ATP10B: variants seen among roughly 807,000 people sequenced by gnomAD.
ATP10B encodes the protein ATPase phospholipid transporting 10B (putative), also known as phospholipid-transporting ATPase VB.
ATP10B carries 122 observed loss-of-function variants against 141.2 expected under a neutral mutation model. The observed-to-expected ratio is 0.86, with a 90% CI of 0.75 to 1.00. The LOEUF is 1.00. Among genes scored for constraint, ATP10B ranks in the 50% least tolerant of loss-of-function variants. ATP10B has a pLI of 0.00. For missense variants in ATP10B, 1,876 were observed against 1,825.3 expected (o/e 1.03, Z -0.51); for synonymous variants, 685 against 692.0 (o/e 0.99, Z 0.16).
rs555101463 is a variant in ATP10B, at chr5:160,564,965, A to C, written c.*488T>G. ...CTGGAAGGGATGTTAACCCCGATTC[A>C]GCCATTACTGCAATACACTTGAGAT... On this transcript the variant is annotated 3_prime_UTR_variant, in exon 26 of 26. Transcript: ENST00000327245. The C allele has an allele frequency of 6.5e-6, 1 of 153,894 alleles. No homozygotes were observed. Among genetic ancestry groups the C allele is most frequent in the South Asian group, 2.1e-4 (1 of 4,864 alleles). 9.5% of individuals were successfully genotyped at this position (153,894 alleles called of 1,614,324 possible). A position where few individuals can be genotyped will look rare whatever the true frequency, so the allele number is the denominator to read the frequency against.
intron 19 of ATP10B, among the ~76,000 whole-genome samples, chr5:160,605,340 C>A (rs1047112502): frequency 2.0e-5 from 3 of 152,288 alleles, no homozygotes; most frequent in African/African-American, 7.2e-5. Flanking sequence ...TTCTTGATTG[C>A]ATAGCAATGC....
At chr5:160,849,618 T>TACACACACACAC (rs796968833) in intron 1 of ATP10B, among the ~76,000 whole-genome samples, 16,301 of 148,034 alleles carry the variant, frequency 0.11, 970 homozygotes, top group Non-Finnish European at 0.12. Flanking sequence ...TACTGGCAAT[T>TACACACACACAC]ACACACACAC....
chr5:160,723,772 A>G (rs1417692208), intron 2 of ATP10B, among the ~76,000 whole-genome samples: 1 of 152,138 alleles, frequency 6.6e-6, no homozygotes, highest in Non-Finnish European at 1.5e-5. Context: ...TCACCACTAT[A>G]TCTCCTACCT....
At position 160,716,941 on chromosome 5, in the gene ATP10B, C is replaced by T. The variant is rs1460340875; in HGVS notation, c.-237G>A. 2.0e-6 allele frequency: 2 copies of T among 985,250 alleles called. No individual in the cohort carries two copies. The highest frequency in any genetic ancestry group is 2.4e-6 in the Non-Finnish European group (2 of 829,934). The allele number at this position is 985,250 out of a possible 1,614,324, so 61.0% of individuals were successfully genotyped here. On this transcript the variant is annotated 5_prime_UTR_variant, in exon 3 of 26. Transcript: ENST00000327245. Reference sequence around the variant, plus strand: ...CGGAGTCCCTTTAAGGAGGTTAGACCAGTGACCTTTGCTGTGCCCCTACAG... The same window carrying T: ...CGGAGTCCCTTTAAGGAGGTTAGACTAGTGACCTTTGCTGTGCCCCTACAG...
the ATP10B span, among the ~76,000 whole-genome samples, chr5:160,862,287 T>TTA: frequency 2.0e-4 from 31 of 152,018 alleles, no homozygotes; most frequent in African/African-American, 7.5e-4. Context: ...ATTCAATCGG[T>TTA]TAAAAGGTCA....
chr5:160,836,346 C>T (rs1775432626), intron 1 of ATP10B, among the ~76,000 whole-genome samples: 2 of 151,914 alleles, frequency 1.3e-5, no homozygotes, highest in African/African-American at 4.8e-5. Context: ...TTTTTCACCT[C>T]CACAGATGCT....
chr5:160,640,633 T>C (rs751585017), intron 9 of ATP10B, 41 bp from the exon 10 acceptor site: 13 of 1,611,192 alleles, frequency 8.1e-6, no homozygotes, highest in African/African-American at 1.3e-5. Context: ...TAGTTCCTGT[T>C]TGCCTATGTC....
At chr5:160,695,462 AC>A (rs1331044139) in intron 3 of ATP10B, among the ~76,000 whole-genome samples, 3 of 149,608 alleles carry the variant, frequency 2.0e-5, no homozygotes, top group African/African-American at 7.4e-5. Context: ...TGGATGGAGT[AC>A]TACTGTGTGT....
At chr5:160,752,450 A>T (rs1768223668) in intron 2 of ATP10B, among the ~76,000 whole-genome samples, 1 of 152,184 alleles carries the variant, frequency 6.6e-6, no homozygotes, top group Non-Finnish European at 1.5e-5. Flanking sequence ...TTTGCCTTTC[A>T]GGGTCCTTTC....
chr5:160,761,821 A>C (rs1356301536), intron 2 of ATP10B, among the ~76,000 whole-genome samples: 1 of 134,764 alleles, frequency 7.4e-6, no homozygotes, highest in Non-Finnish European at 1.7e-5. Flanking sequence ...GTCCAACTTT[A>C]AAAAATTTAA....
intron 2 of ATP10B, among the ~76,000 whole-genome samples, chr5:160,727,072 G>A (rs1053339997): frequency 6.6e-6 from 1 of 152,136 alleles, no homozygotes; most frequent in Admixed American, 6.5e-5. Context: ...TGACCACCTT[G>A]GGCACATGTC....
At chr5:160,838,963 C>T (rs1272309747) in intron 1 of ATP10B, among the ~76,000 whole-genome samples, 2 of 152,066 alleles carry the variant, frequency 1.3e-5, no homozygotes, top group East Asian at 1.9e-4. Context: ...CCCCTTCTCC[C>T]TCTCTTGCTC....
intron 14 of ATP10B, among the ~76,000 whole-genome samples, chr5:160,621,760 G>C (rs1693720654): frequency 1.3e-5 from 2 of 152,188 alleles, no homozygotes; most frequent in Non-Finnish European, 2.9e-5. Context: ...CTAAGAGTCT[G>C]TGGAAGATTG....
chr5:160,727,974 A>C (rs1766476068), intron 2 of ATP10B, among the ~76,000 whole-genome samples: 1 of 152,208 alleles, frequency 6.6e-6, no homozygotes, highest in Non-Finnish European at 1.5e-5. Flanking sequence ...TCCTAAAACT[A>C]ATATCTGTTT....
chr5:160,601,603 CAT>C (rs577858257), intron 21 of ATP10B, among the ~76,000 whole-genome samples: 21 of 152,288 alleles, frequency 1.4e-4, no homozygotes, highest in South Asian at 8.3e-4. Flanking sequence ...GACAAACCAA[CAT>C]AGTTTTAGAA....
At chr5:160,835,598 C>T (rs1358410110) in intron 1 of ATP10B, among the ~76,000 whole-genome samples, 1 of 152,126 alleles carries the variant, frequency 6.6e-6, no homozygotes, top group Non-Finnish European at 1.5e-5. Flanking sequence ...GGGGCACACA[C>T]AGCATTGTGA....
intron 1 of ATP10B, among the ~76,000 whole-genome samples, chr5:160,810,858 C>T (rs533794635): frequency 6.6e-6 from 1 of 152,076 alleles, no homozygotes; most frequent in Non-Finnish European, 1.5e-5. Context: ...GCTTGCTATG[C>T]CAACATTTTT....
At chr5:160,800,485 C>T (rs879840395) in intron 1 of ATP10B, among the ~76,000 whole-genome samples, 2 of 152,164 alleles carry the variant, frequency 1.3e-5, no homozygotes, top group Non-Finnish European at 2.9e-5. Flanking sequence ...CTTTGTTAAA[C>T]AGCTAAAGTG....
At chr5:160,685,195 C>A (rs2127743638) in intron 6 of ATP10B, 1 of 609,764 alleles carries the variant, frequency 1.6e-6, no homozygotes, top group Non-Finnish European at 2.9e-6. Context: ...TTTTCTTTTC[C>A]ACCTTTTCCT....
Sources: allele counts gnomAD v4.1 joint callset (sites outside exome capture counted in the v4.1 genomes callset), GRCh38; gene constraint gnomAD v4.1.1; transcripts MANE v1.5; gene names NCBI Gene and HGNC (gene_info 2026-07-23, HGNC 2026-07-21).